TUSC3: variants seen among roughly 807,000 people sequenced by gnomAD.
TUSC3 encodes dolichyl-diphosphooligosaccharide--protein glycosyltransferase subunit TUSC3.
In TUSC3, 45 loss-of-function variants were observed where a neutral mutation model predicts 44.8. That is an observed-to-expected ratio of 1.00 (90% confidence interval 0.79 to 1.29). TUSC3 has a LOEUF of 1.29. Ranked by LOEUF, TUSC3 falls within the 50% of genes most tolerant of loss-of-function variation. The pLI, the probability that TUSC3 is intolerant of heterozygous loss-of-function variation, is 0.00. For synonymous variants in TUSC3, 212 were observed against 152.9 expected (o/e 1.39, Z -2.85); for missense variants, 519 against 437.9 (o/e 1.19, Z -1.65).
At chr8:15,814,215 G>A in the TUSC3 span, among the ~76,000 whole-genome samples, 6 of 152,140 alleles carry the variant, frequency 3.9e-5, no homozygotes, top group Non-Finnish European at 7.4e-5. Context: ...GTTATATTCA[G>A]TCTTTCTGTG....
At chr8:15,460,377 T>G (rs117478864) in intron 1 of TUSC3, among the ~76,000 whole-genome samples, 10,171 of 152,196 alleles carry the variant, frequency 0.067, 362 homozygotes, top group South Asian at 0.1. Flanking sequence ...CCCAGTTTTC[T>G]ATGGGATTGC....
At chr8:15,651,418 C>T (rs1339965086) in intron 3 of TUSC3, among the ~76,000 whole-genome samples, 2 of 151,992 alleles carry the variant, frequency 1.3e-5, no homozygotes, top group Non-Finnish European at 2.9e-5. Flanking sequence ...ATTGTATTTC[C>T]CCAAATTCAT....
chr8:15,847,177 G>A, the TUSC3 span, among the ~76,000 whole-genome samples: 3 of 152,172 alleles, frequency 2.0e-5, no homozygotes, highest in South Asian at 2.1e-4. Context: ...GAGAGGCAGG[G>A]GAAGGACTTT....
intron 1 of TUSC3, among the ~76,000 whole-genome samples, chr8:15,420,284 G>T (rs1277038337): frequency 1.3e-5 from 2 of 152,008 alleles, no homozygotes; most frequent in Non-Finnish European, 2.9e-5. Flanking sequence ...ATCACTTGAG[G>T]TCAGAAGCTG....
At chr8:15,443,082 C>T (rs766851239) in intron 1 of TUSC3, among the ~76,000 whole-genome samples, 2 of 152,162 alleles carry the variant, frequency 1.3e-5, no homozygotes, top group African/African-American at 2.4e-5. Flanking sequence ...GAGTTCAGCT[C>T]AGTTGTATAC....
chr8:15,488,299 C>A (rs1201379662), intron 2 of TUSC3, among the ~76,000 whole-genome samples: 1 of 151,468 alleles, frequency 6.6e-6, no homozygotes, highest in Non-Finnish European at 1.5e-5. Flanking sequence ...GAGCCCAGGA[C>A]CAGCCTGAAC....
At chr8:15,566,013 T>C (rs1256087860) in intron 1 of TUSC3, among the ~76,000 whole-genome samples, 4 of 152,190 alleles carry the variant, frequency 2.6e-5, no homozygotes, top group Non-Finnish European at 4.4e-5. Flanking sequence ...TCATCGCTTA[T>C]GATGTATTTA....
chr8:15,495,768 T>C (rs923051312), intron 2 of TUSC3, among the ~76,000 whole-genome samples: 2 of 152,132 alleles, frequency 1.3e-5, no homozygotes, highest in African/African-American at 4.8e-5. Flanking sequence ...GGCAAAGGTA[T>C]AGAAATTGAG....
At chr8:15,462,548 A>G (rs1206204587) in intron 1 of TUSC3, among the ~76,000 whole-genome samples, 1 of 152,032 alleles carries the variant, frequency 6.6e-6, no homozygotes, top group East Asian at 1.9e-4. Flanking sequence ...TATTAAATTC[A>G]TTTTCAGAAT....
Position 15,454,818 on chromosome 8 carries a change from A to G in TUSC3, n.92-28568A>G, listed in dbSNP as rs77940549. ...GGATATGATTTAATCAATGATTTAT[A>G]TAAACATGTCCATTTCCTTGCATGT... On this transcript the variant is annotated intron_variant and non_coding_transcript_variant, in intron 1 of 5. Transcript: ENST00000503191. Among the ~76,000 whole-genome samples the G allele has an allele frequency of 2.7e-3, 407 of 152,338 alleles. 3 individuals carry two copies. The East Asian group carries it at 0.045, about 17-fold the overall frequency.
chr8:15,657,501 C>G (rs1286602085), intron 3 of TUSC3, among the ~76,000 whole-genome samples: 1 of 152,208 alleles, frequency 6.6e-6, no homozygotes, highest in Non-Finnish European at 1.5e-5. Flanking sequence ...ACCTGTTTCT[C>G]ATTTCCGTCT....
At chr8:15,740,430 C>A (rs352756) in intron 7 of TUSC3, among the ~76,000 whole-genome samples, 1 of 151,862 alleles carries the variant, frequency 6.6e-6, no homozygotes, top group Admixed American at 6.6e-5. Context: ...AGAATCTGAA[C>A]GCAATACTTC....
At chr8:15,504,674 G>A (rs1801029423) in intron 2 of TUSC3, among the ~76,000 whole-genome samples, 1 of 118,174 alleles carries the variant, frequency 8.5e-6, no homozygotes, top group African/African-American at 3.1e-5. Flanking sequence ...TTTTTTTCGA[G>A]ATGGAGTCTC....
rs80048463 is a variant in TUSC3, at chr8:15,705,698, A to G, written c.799-24968A>G. 2.8e-3 allele frequency among the ~76,000 whole-genome samples: 429 copies of G among 152,096 alleles called. 2 individuals are homozygous for G. Among genetic ancestry groups the G allele is most frequent in the African/African-American group, 0.01 (419 of 41,508 alleles). ...TCTTTGTGCATCTCTTCATCTCTTC[A>G]ATATTTAGTGGTCTTTGTGCCTCTC... On this transcript the variant is annotated intron_variant, in intron 6 of 10. Transcript: ENST00000503731.
chr8:15,626,771 C>A (rs184861429), intron 2 of TUSC3, among the ~76,000 whole-genome samples: 2 of 152,346 alleles, frequency 1.3e-5, no homozygotes, highest in East Asian at 3.9e-4. Context: ...ATGCCAGCCC[C>A]CTGCTGCCTC....
chr8:15,754,618 G>C (rs1338007500), intron 9 of TUSC3, among the ~76,000 whole-genome samples: 1 of 151,920 alleles, frequency 6.6e-6, no homozygotes, highest in Non-Finnish European at 1.5e-5. Context: ...TTTAGTAATG[G>C]CCTTTAGGCT....
chr8:15,700,849 C>CTTTTTTTTTTTTTTTTTTTTTTTTT lies in TUSC3; in HGVS notation c.798+27031_798+27032insTTTTTTTTTTTTTTTTTTTTTTTTT, dbSNP rs71211076. Reference sequence around the variant, plus strand: ...CTTTCACTAGAGGGAATGGCTGGAGCTTTTTTTTTTTTTTTTTTGCTTTGC... The same window carrying CTTTTTTTTTTTTTTTTTTTTTTTTT: ...CTTTCACTAGAGGGAATGGCTGGAGCTTTTTTTTTTTTTTTTTTTTTTTTTTTTTTTTTTTTTTTTTTTGCTTTGC... On this transcript the variant is annotated intron_variant, in intron 6 of 10. Coordinates refer to ENST00000503731, the MANE Select transcript of TUSC3 (RefSeq NM_006765.4). 1.3e-3 allele frequency among the ~76,000 whole-genome samples: 120 copies of CTTTTTTTTTTTTTTTTTTTTTTTTT among 90,534 alleles called. 19 individuals carry two copies. The highest frequency in any genetic ancestry group is 2.4e-3 in the African/African-American group (49 of 20,414). 59.4% of individuals were successfully genotyped at this position (90,534 alleles called of 152,430 possible).
intron 7 of TUSC3, among the ~76,000 whole-genome samples, chr8:15,734,642 T>A (rs1420441784): frequency 6.6e-6 from 1 of 152,170 alleles, no homozygotes; most frequent in Non-Finnish European, 1.5e-5. Context: ...AGAAAAATAC[T>A]TATAATACAG....
At chr8:15,627,617 C>A (rs1418326962) in intron 2 of TUSC3, among the ~76,000 whole-genome samples, 3 of 152,222 alleles carry the variant, frequency 2.0e-5, no homozygotes, top group African/African-American at 7.2e-5. Flanking sequence ...GGCTGTGACT[C>A]CCTTTTTGGG....
Sources: allele counts gnomAD v4.1 joint callset (sites outside exome capture counted in the v4.1 genomes callset), GRCh38; gene constraint gnomAD v4.1.1; transcripts MANE v1.5; gene names NCBI Gene and HGNC (gene_info 2026-07-23, HGNC 2026-07-21).